The following DLEC1 variants were observed in gnomAD, a reference collection of about 807,000 sequenced individuals.
DLEC1 encodes deleted in lung and esophageal cancer protein 1.
A neutral mutation model predicts 198.1 loss-of-function variants in DLEC1; 146 were observed. The observed-to-expected ratio is 0.74, with a 90% CI of 0.64 to 0.85. The LOEUF is 0.85. Among genes scored for constraint, DLEC1 ranks in the 40% least tolerant of loss-of-function variants. The pLI is 0.00. For missense variants in DLEC1, 2,233 were observed against 2,220.0 expected (o/e 1.01, Z -0.12); for synonymous variants, 897 against 866.8 (o/e 1.03, Z -0.61).
In DLEC1 at chr3:38,088,518, T is replaced by A. The variant is rs1478224792; in HGVS notation, c.1665+130T>A. The stretch of plus-strand genomic sequence containing the variant: ...TAGTGACTTCTGGGTAGACGCATAT[T>A]CTTGCATTCTGTAGGGTGATGTCAG... On this transcript the variant is annotated intron_variant, in intron 10 of 36. Transcript: ENST00000308059. 6.3e-6 allele frequency: 5 copies of A among 787,406 alleles called. No individual in the cohort carries two copies. In the East Asian group the frequency reaches 1.0e-4, roughly 16 times the overall value. The allele number at this position is 787,406 out of a possible 1,614,324, so 48.8% of individuals were successfully genotyped here.
At chr3:38,121,572 A>C in intron 34 of DLEC1, 56 bp from the exon 35 acceptor site, 1 of 1,574,246 alleles carries the variant, frequency 6.4e-7, no homozygotes, top group East Asian at 2.2e-5. Context: ...TGTGTGTCCC[A>C]GAGGCCCTGG....
intron 6 of DLEC1, among the ~76,000 whole-genome samples, chr3:38,069,184 C>T (rs1198192041): frequency 2.0e-5 from 3 of 152,030 alleles, no homozygotes; most frequent in South Asian, 2.1e-4. Context: ...AAAACCTTGT[C>T]GAACTCTGAC....
At chr3:38,094,839 G>GTT in intron 12 of DLEC1, 40 bp from the exon 13 acceptor site, 1 of 1,603,246 alleles carries the variant, frequency 6.2e-7, no homozygotes, top group Non-Finnish European at 8.5e-7. Context: ...CCTGGTCCCA[G>GTT]CAGAACTGGG....
At chr3:38,064,721 C>T (rs562699613) in intron 6 of DLEC1, among the ~76,000 whole-genome samples, 211 of 149,994 alleles carry the variant, frequency 1.4e-3, no homozygotes, top group African/African-American at 4.9e-3. Context: ...CGGGCAGAGG[C>T]GCTCCTCACA....
intron 3 of DLEC1, among the ~76,000 whole-genome samples, chr3:38,060,822 G>A (rs967447543): frequency 1.3e-5 from 2 of 151,912 alleles, no homozygotes; most frequent in Non-Finnish European, 2.9e-5. Flanking sequence ...AGCCTCCCAA[G>A]TAGCTGGGAT....
chr3:38,114,741 C>T (rs918918505), intron 26 of DLEC1, among the ~76,000 whole-genome samples: 1 of 152,180 alleles, frequency 6.6e-6, no homozygotes, highest in East Asian at 1.9e-4. Flanking sequence ...CACAGTTGAA[C>T]TGGAATCAGC....
chr3:38,087,073 CAAA>C (rs1357870514), intron 9 of DLEC1, among the ~76,000 whole-genome samples: 1 of 94,814 alleles, frequency 1.1e-5, no homozygotes. Context: ...GACTCCATCT[CAAA>C]AAAAAAAAAA....
chr3:38,090,655 C>T lies in DLEC1; in HGVS notation c.1666-2135C>T, dbSNP rs140325435. ...CCTTGAAGTAGATTTGCTGATCCAG[C>T]GCTTTGTGCCCTCATAATTGTAAGG... On this transcript the variant is annotated intron_variant, in intron 10 of 36. Coordinates refer to ENST00000308059, the MANE Select transcript of DLEC1 (RefSeq NM_007335.4). 4.3e-4 allele frequency among the ~76,000 whole-genome samples: 66 copies of T among 152,320 alleles called. No individual in the cohort carries two copies. In the East Asian group the frequency reaches 8.7e-3, roughly 20 times the overall value.
intron 6 of DLEC1, among the ~76,000 whole-genome samples, chr3:38,075,165 G>A (rs1477343371): frequency 6.6e-6 from 1 of 152,262 alleles, no homozygotes; most frequent in East Asian, 1.9e-4. Context: ...GACGCTTGGG[G>A]TTGGGACTGA....
chr3:38,114,977 C>T lies in DLEC1; in HGVS notation c.3786-6C>T, dbSNP rs1261872545. 6.2e-7 allele frequency: 1 copy of T among 1,613,088 alleles called. No individual in the cohort carries two copies. The highest frequency in any genetic ancestry group is 2.2e-5 in the East Asian group (1 of 44,880). On this transcript the variant is annotated splice_polypyrimidine_tract_variant and splice_region_variant and intron_variant, in intron 26 of 36. Transcript: ENST00000308059. ...GCTGTACTGAGTCCAGTCTGTCCCC[C>T]TCCAGGTTCGGCACCCAGGTCTCCG...
At position 38,108,443 on chromosome 3, in the gene DLEC1, C is replaced by CT. The variant is rs765468558; in HGVS notation, c.3058dup (p.Ser1020PhefsTer11). ...AAGCAGAATTCTGCATGGTGACAGT[C>CT]TCCCCCAAACATGGCCTGCTGGGCC... On this transcript the variant is annotated frameshift_variant, in exon 21 of 37. Transcript: ENST00000308059. LOFTEE classifies it high-confidence loss of function. 151 of 1,614,084 alleles carry CT rather than the reference C, an allele frequency of 9.4e-5. No individual in the cohort carries two copies. The highest frequency in any genetic ancestry group is 1.2e-4 in the Non-Finnish European group (137 of 1,180,036).
chr3:38,052,096 C>G (rs1701146946), intron 2 of DLEC1: 1 of 300,600 alleles, frequency 3.3e-6, no homozygotes, highest in African/African-American at 2.2e-5. Flanking sequence ...GAACCATTGA[C>G]TAAGCAGCAT....
At chr3:38,107,384 G>A (rs557339914) in intron 19 of DLEC1, among the ~76,000 whole-genome samples, 200 bp from the exon 20 acceptor site, 3 of 152,204 alleles carry the variant, frequency 2.0e-5, no homozygotes, top group African/African-American at 7.2e-5. Flanking sequence ...CATGTTTGTT[G>A]TTAGTATATA....
intron 7 of DLEC1, among the ~76,000 whole-genome samples, chr3:38,085,034 C>T (rs1195036775): frequency 5.9e-5 from 9 of 152,242 alleles, no homozygotes; most frequent in Admixed American, 5.9e-4. Flanking sequence ...AGGCATGGCC[C>T]CACCTGACCT....
rs73825483 is a variant in DLEC1 at position 38,048,303 on chromosome 3, C to T, written c.562+2610C>T. On this transcript the variant is annotated intron_variant, in intron 2 of 36. Coordinates refer to ENST00000308059, the MANE Select transcript of DLEC1 (RefSeq NM_007335.4). The stretch of plus-strand genomic sequence containing the variant: ...CCCCACAAAGACCTTGACCTGTTCT[C>T]CTGAATTCTTGAAAATCTTGAAAAT... Among the ~76,000 whole-genome samples the T allele has an allele frequency of 5.5e-3, 835 of 152,300 alleles. 5 individuals are homozygous for T. Among genetic ancestry groups the T allele is most frequent in the African/African-American group, 0.019 (795 of 41,550 alleles).
chr3:38,082,156 T>C (rs1698071104), intron 6 of DLEC1, among the ~76,000 whole-genome samples: 2 of 134,422 alleles, frequency 1.5e-5, no homozygotes, highest in African/African-American at 2.9e-5. Flanking sequence ...ACATCCCAGA[T>C]GGGGCGGCGG....
chr3:38,107,813 C>A, intron 20 of DLEC1, 76 bp downstream of exon 20: 1 of 1,499,316 alleles, frequency 6.7e-7, no homozygotes, highest in Non-Finnish European at 9.1e-7. Context: ...GGGCATTGTC[C>A]CCCAAATATC....
intron 33 of DLEC1, 133 bp downstream of exon 33, chr3:38,118,157 T>C: frequency 9.9e-7 from 1 of 1,009,728 alleles, no homozygotes. Context: ...ATACCCTGCA[T>C]GAACACTCGG....
chr3:38,076,286 G>A (rs1697614589), intron 6 of DLEC1, among the ~76,000 whole-genome samples: 1 of 152,128 alleles, frequency 6.6e-6, no homozygotes, highest in South Asian at 2.1e-4. Context: ...GGTCGTAGGT[G>A]GTTTCATGTG....
Sources: allele counts gnomAD v4.1 joint callset (sites outside exome capture counted in the v4.1 genomes callset), GRCh38; gene constraint gnomAD v4.1.1; transcripts MANE v1.5; gene names NCBI Gene and HGNC (gene_info 2026-07-23, HGNC 2026-07-21).